The following MCM2 variants were observed in gnomAD, a reference collection of about 807,000 sequenced individuals.
The protein encoded by MCM2 is DNA replication licensing factor MCM2.
A neutral mutation model predicts 86.4 loss-of-function variants in MCM2; 49 were observed. The observed-to-expected ratio is 0.57, with a 90% confidence interval of 0.45 to 0.72. MCM2 has a LOEUF of 0.72. Ranked by LOEUF, MCM2 falls within the 30% of genes least tolerant of loss-of-function variation. The pLI is 0.00. For missense variants in MCM2, 1,038 were observed against 1,259.9 expected, an observed-to-expected ratio of 0.82 and a Z score of 2.67; for synonymous variants, 475 against 484.6, an observed-to-expected ratio of 0.98 and a Z score of 0.26.
chr3:127,605,463 G>A (rs1375284230), intron 4 of MCM2, among the ~76,000 whole-genome samples: 4 of 128,200 alleles, frequency 3.1e-5, no homozygotes, highest in East Asian at 4.6e-4. Context: ...TTTTTGAGAC[G>A]GAGTTTTGTT....
Position 127,604,646 on chromosome 3 carries a change from C to T in MCM2, c.275C>T (p.Ala92Val). The change falls in exon 3 of 16, where the codon GCC (alanine) becomes GTC (valine). Residue 92 changes from alanine to valine, a missense_variant. Transcript: ENST00000265056. ...RAIPELDAYE[A>V]EGLALDDEDV... ...ATCCCAGAGCTGGACGCCTATGAGGCCGAGGGACTGGCTCTGGATGATGAG... is the reference window on the plus strand; with the variant it reads ...ATCCCAGAGCTGGACGCCTATGAGGTCGAGGGACTGGCTCTGGATGATGAG... 6.2e-7 allele frequency: 1 copy of T among 1,613,272 alleles called. No individual in the cohort carries two copies. The highest frequency in any genetic ancestry group is 8.5e-7 in the Non-Finnish European group (1 of 1,180,040).
rs1336733706 is a variant in MCM2 at position 127,604,740 on chromosome 3, G to C, written c.369G>C (p.Glu123Asp). 40 of 1,608,366 alleles carry C rather than the reference G, an allele frequency of 2.5e-5. No homozygotes were observed. Among genetic ancestry groups the C allele is most frequent in the Non-Finnish European group, 3.4e-5 (40 of 1,178,258 alleles). ...AERAMRQRDR[E>D]AGRGLGRMRR... The stretch of plus-strand genomic sequence containing the variant: ...GGGCCATGCGGCAGCGTGACCGGGA[G>C]GCTGGCCGGGGCCTGGGCCGCATGC... The change falls in exon 3 of 16, where the codon GAG becomes GAC. Residue 123 changes from glutamate to aspartate, a missense_variant. Physicochemically the swap from Glu to Asp is conservative, Grantham distance 45. Around this residue, in one of 4 missense-constraint regions of MCM2, gnomAD observed 300 missense variants for 307.4 expected, o/e 0.98. Transcript: ENST00000265056.
Position 127,617,849 on chromosome 3 carries a change from C to T in MCM2, c.1901-120C>T. On this transcript the variant is annotated intron_variant, in intron 11 of 15. Coordinates refer to ENST00000265056, the MANE Select transcript of MCM2 (RefSeq NM_004526.4). This position sits in a 1 kb window ranked among gnomAD's most constrained non-coding sequence, Gnocchi z 4.1. ...TGTCTCAGACAGCAGGTGCTAAGTA[C>T]CCACCTATGTCTTCCTCTTCCACTG... The T allele has an allele frequency of 1.4e-6, 1 of 733,098 alleles. No homozygotes were observed. The highest frequency in any genetic ancestry group is 2.4e-6 in the Non-Finnish European group (1 of 424,302). The allele number at this position is 733,098 out of a possible 1,614,324, so 45.4% of individuals were successfully genotyped here. A position where few individuals can be genotyped will look rare whatever the true frequency, so the allele number is the denominator to read the frequency against.
intron 4 of MCM2, among the ~76,000 whole-genome samples, chr3:127,605,794 C>T (rs2074342738): frequency 6.6e-6 from 1 of 152,046 alleles, no homozygotes; most frequent in Admixed American, 6.6e-5. Context: ...ATTCCTTCCA[C>T]TGCTTTTTGT....
chr3:127,599,106 T>C (rs945297428), intron 1 of MCM2: 1 of 595,388 alleles, frequency 1.7e-6, no homozygotes. Flanking sequence ...TTCTATTTGT[T>C]TGGAAGCCAC....
Position 127,606,131 on chromosome 3 carries a change from C to T in MCM2, c.687C>T (p.Ser229=), listed in dbSNP as rs373076757. ...GCCCCCTTCTAGAGAACCGTGAGAG[C>T]CTGGTGGTGAACTATGAGGACTTGG... ...ISDMCKENRE[S]LVVNYEDLAA... is the part of the protein sequence containing the mutation. Residue 229 remains serine, a synonymous_variant, in exon 5 of 16, where the codon AGC becomes AGT. Transcript: ENST00000265056. The surrounding 1 kb of genome is among the most constrained non-coding windows in gnomAD (Gnocchi z 4.2). 6.8e-6 allele frequency: 11 copies of T among 1,613,880 alleles called. No individual in the cohort carries two copies. In the African/African-American group the frequency reaches 9.3e-5, roughly 14 times the overall value.
At chr3:127,616,775 A>G in intron 9 of MCM2, 93 bp from the exon 10 acceptor site, 1 of 1,389,908 alleles carries the variant, frequency 7.2e-7, no homozygotes, top group South Asian at 1.3e-5. Flanking sequence ...CATTCCTAAC[A>G]AGTAGGTTGA....
chr3:127,607,186 G>A (rs902177614), intron 6 of MCM2, among the ~76,000 whole-genome samples: 2 of 152,212 alleles, frequency 1.3e-5, no homozygotes, highest in African/African-American at 4.8e-5. Flanking sequence ...GGTGGCTGCA[G>A]TCCCATCGGG....
rs775651689 is a variant in MCM2, at chr3:127,606,719, G to T, written c.1003G>T (p.Val335Phe). The T allele has an allele frequency of 3.1e-6, 5 of 1,614,112 alleles. No individual in the cohort carries two copies. In the Admixed American group the frequency reaches 5.0e-5, roughly 16 times the overall value. The change falls in exon 6 of 16, where the codon GTC becomes TTC. Residue 335 changes from valine (V) to phenylalanine (F), a missense_variant. Around this residue, in one of 4 missense-constraint regions of MCM2, gnomAD observed 399 missense variants for 507.2 expected, o/e 0.79. Coordinates refer to ENST00000265056, the MANE Select transcript of MCM2 (RefSeq NM_004526.4). The surrounding 1 kb of genome is among the most constrained non-coding windows in gnomAD (Gnocchi z 4.2). Reference protein sequence around the residue: ...VKYNCNKCNFVLGPFCQSQNQ... With the variant: ...VKYNCNKCNFFLGPFCQSQNQ... ...GTACAACTGCAACAAGTGCAATTTCGTCCTGGGTCCTTTCTGCCAGTCCCA... is the reference window on the plus strand; with the variant it reads ...GTACAACTGCAACAAGTGCAATTTCTTCCTGGGTCCTTTCTGCCAGTCCCA...
Position 127,617,058 on chromosome 3 carries a change from G to A in MCM2, c.1713G>A (p.Leu571=). 1.2e-6 allele frequency: 2 copies of A among 1,614,236 alleles called. No homozygotes were observed. The highest frequency in any genetic ancestry group is 2.2e-5 in the East Asian group (1 of 44,886). ...QRHPVSREWT[L]EAGALVLADR... is the part of the protein sequence containing the mutation. ...ACCCTGTCAGCAGGGAGTGGACCTT[G>A]GAGGCTGGGGCCCTGGTTCTGGCTG... Residue 571 remains leucine, a synonymous_variant, in exon 10 of 16, where the codon TTG becomes TTA. Coordinates refer to ENST00000265056, the MANE Select transcript of MCM2 (RefSeq NM_004526.4). The surrounding 1 kb of genome is among the most constrained non-coding windows in gnomAD (Gnocchi z 4.1).
Position 127,617,552 on chromosome 3 carries a change from G to T in MCM2, c.1900+147G>T. The T allele has an allele frequency of 9.5e-7, 1 of 1,049,414 alleles. No homozygotes were observed. Among genetic ancestry groups the T allele is most frequent in the Non-Finnish European group, 1.3e-6 (1 of 746,312 alleles). 65.0% of individuals were successfully genotyped at this position (1,049,414 alleles called of 1,614,324 possible). On this transcript the variant is annotated intron_variant, in intron 11 of 15. Coordinates refer to ENST00000265056, the MANE Select transcript of MCM2 (RefSeq NM_004526.4). This position sits in a 1 kb window ranked among gnomAD's most constrained non-coding sequence, Gnocchi z 4.1. ...TTCCCCTCTTCTGCATATCCTGCCA[G>T]AGTGGGGAACAGTGAAAGTGGGACC...
chr3:127,609,319 G>T (rs1017151841), intron 8 of MCM2, among the ~76,000 whole-genome samples: 3 of 152,180 alleles, frequency 2.0e-5, no homozygotes, highest in Admixed American at 6.5e-5. Context: ...GGGTTGCGAC[G>T]AGAAGAGCTC....
intron 2 of MCM2, 48 bp from the exon 3 acceptor site, chr3:127,604,560 G>A (rs763406547): frequency 6.3e-7 from 1 of 1,590,576 alleles, no homozygotes; most frequent in South Asian, 1.1e-5. Context: ...TTGGTGCTTA[G>A]GGTTTTCCTT....
At position 127,605,016 on chromosome 3, in the gene MCM2, A is replaced by G; in HGVS notation, c.533A>G (p.Lys178Arg). 6.2e-7 allele frequency: 1 copy of G among 1,614,020 alleles called. No homozygotes were observed. Among genetic ancestry groups the G allele is most frequent in the Non-Finnish European group, 8.5e-7 (1 of 1,179,896 alleles). ...AGCATCGAGAACCTGGAGGATCTCA[A>G]AGGCCACTCTGTGCGCGAGTGGGTG... is the stretch of plus-strand genomic sequence containing the variant. ...IESIENLEDLKGHSVREWVSM... is the reference protein window; with the variant it reads ...IESIENLEDLRGHSVREWVSM... The change falls in exon 4 of 16, where the codon AAA (lysine) becomes AGA (arginine). Residue 178 changes from lysine to arginine, a missense_variant. By Grantham distance (26) the Lys-to-Arg change is conservative (BLOSUM62 2). Transcript: ENST00000265056.
rs368010365 is a variant in MCM2, at chr3:127,621,736, A to G, written c.2678A>G (p.His893Arg). The change falls in exon 16 of 16, where the codon CAC (histidine) becomes CGC (arginine). Residue 893 changes from histidine (H) to arginine (R), a missense_variant. By Grantham distance (29) the His-to-Arg change is conservative. Coordinates refer to ENST00000265056, the MANE Select transcript of MCM2 (RefSeq NM_004526.4). ...SELFRMNKFSHDLKRKMILQQ... is the reference protein window; with the variant it reads ...SELFRMNKFSRDLKRKMILQQ... ...CTCTTCAGGATGAACAAGTTCAGCC[A>G]CGACCTGAAAAGGAAAATGATCCTG... 2.5e-5 allele frequency: 40 copies of G among 1,614,034 alleles called. No individual in the cohort carries two copies. Among genetic ancestry groups the G allele is most frequent in the Non-Finnish European group, 3.3e-5 (39 of 1,180,014 alleles).
At chr3:127,621,630 A>C (rs756408700) in intron 15 of MCM2, 33 bp from the exon 16 acceptor site, 1 of 1,433,312 alleles carries the variant, frequency 7.0e-7, no homozygotes, top group Non-Finnish European at 9.8e-7. Context: ...TTCTCACACC[A>C]CTGATGGCTC....
Position 127,599,342 on chromosome 3 carries a change from G to A in MCM2, c.31G>A (p.Ala11Thr), listed in dbSNP as rs773331466. Residue 11 changes from alanine to threonine, a missense_variant, in exon 2 of 16, where the codon GCA (alanine) becomes ACA (threonine). Physicochemically the swap from Ala to Thr is moderately conservative, Grantham distance 58. Around this residue, in one of 4 missense-constraint regions of MCM2, gnomAD observed 300 missense variants for 307.4 expected, o/e 0.98. Coordinates refer to ENST00000265056, the MANE Select transcript of MCM2 (RefSeq NM_004526.4). ...GGAATCATCGGAATCCTTCACCATGGCATCCAGCCCGGCCCAGCGTCGGCG... is the reference window on the plus strand; with the variant it reads ...GGAATCATCGGAATCCTTCACCATGACATCCAGCCCGGCCCAGCGTCGGCG... MAESSESFTM[A>T]SSPAQRRRGN... is the part of the protein sequence containing the mutation. 14 of 1,614,022 alleles carry A rather than the reference G, an allele frequency of 8.7e-6. No homozygotes were observed. The highest frequency in any genetic ancestry group is 5.0e-5 in the Admixed American group (3 of 59,996).
intron 2 of MCM2, 183 bp from the exon 3 acceptor site, chr3:127,604,425 A>G: frequency 6.5e-6 from 4 of 613,176 alleles, no homozygotes; most frequent in South Asian, 6.2e-5. Context: ...ATATGGACAG[A>G]TCGTGTTTTG....
intron 13 of MCM2, 123 bp from the exon 14 acceptor site, chr3:127,620,575 G>C: frequency 1.0e-6 from 1 of 976,408 alleles, no homozygotes; most frequent in Non-Finnish European, 1.5e-6. Flanking sequence ...CAAGCATTCT[G>C]CATTTCTGCT....
Sources: gnomAD v4.1 joint callset for allele counts (sites outside exome capture counted in the v4.1 genomes callset) on GRCh38, gnomAD v4.1.1 for gene constraint, gnomAD v4.1.1 regional missense constraint, Gnocchi (gnomAD v3.1) non-coding constraint, MANE v1.5 for transcripts, NCBI Gene and HGNC (gene_info 2026-07-23, HGNC 2026-07-21) for gene names.